Variants in MYO1F observed in about 807,000 individuals in gnomAD.
MYO1F encodes the protein unconventional myosin-If.
Under a neutral mutation model 146.6 loss-of-function variants are expected in MYO1F, and 60 were observed. The ratio of observed to expected loss-of-function variants is 0.41; its 90% CI spans 0.33 to 0.51. The LOEUF (loss-of-function observed/expected upper bound fraction) is 0.51, where lower values mean the gene tolerates loss of function less well. Among genes scored for constraint, MYO1F ranks in the 20% least tolerant of loss-of-function variants. The pLI is 0.25. For synonymous variants in MYO1F, 602 were observed against 602.1 expected (o/e 1.00, Z 0.00); for missense variants, 1,274 against 1,534.3 (o/e 0.83, Z 2.83).
At chr19:8,529,323 C>T (rs186578639) in intron 21 of MYO1F, among the ~76,000 whole-genome samples, 7 of 152,098 alleles carry the variant, frequency 4.6e-5, no homozygotes, top group Non-Finnish European at 8.8e-5. Context: ...CTGGCCCGCC[C>T]AGGTACAGGT....
At chr19:8,573,665 C>A (rs1320917418) in intron 1 of MYO1F, among the ~76,000 whole-genome samples, 1 of 152,132 alleles carries the variant, frequency 6.6e-6, no homozygotes, top group African/African-American at 2.4e-5. Context: ...GCCTGGCCAA[C>A]ATGGCGAAAC....
intron 15 of MYO1F, 197 bp downstream of exon 15, chr19:8,541,709 G>A (rs968614203): frequency 3.4e-5 from 21 of 623,036 alleles, no homozygotes; most frequent in Middle Eastern, 8.5e-4. Context: ...GATTACAGGC[G>A]TGAGCCACTG....
rs552336969 is a variant in MYO1F at position 8,522,657 on chromosome 19, G to A, written c.3027C>T (p.Asn1009=). 3.3e-5 allele frequency: 53 copies of A among 1,613,896 alleles called. No individual in the cohort carries two copies. The African/African-American group carries it at 3.5e-4, about 11-fold the overall frequency. ...PPSEHNTEFL[N]VPDQGMAGMQ... ...ACCCGGCCATGCCCTGGTCAGGCAC[G>A]TTGAGGAATTCTGTGTTGTGCTCTG... The change falls in exon 26 of 28, where the codon AAC becomes AAT. Residue 1009 remains asparagine, a synonymous_variant. Transcript: ENST00000644032.
At chr19:8,562,334 A>T (rs1333827960) in intron 1 of MYO1F, among the ~76,000 whole-genome samples, 1 of 151,692 alleles carries the variant, frequency 6.6e-6, no homozygotes, top group Non-Finnish European at 1.5e-5. Context: ...TTGAGACAAG[A>T]TCTCACTCTG....
chr19:8,549,920 C>T (rs1249682749), intron 10 of MYO1F: 8 of 592,018 alleles, frequency 1.4e-5, no homozygotes, highest in Non-Finnish European at 2.4e-5. Flanking sequence ...CCAACCTCAG[C>T]CCTCTGAGTA....
chr19:8,536,926 T>G, intron 17 of MYO1F, 23 bp downstream of exon 17: 1 of 1,306,494 alleles, frequency 7.7e-7, no homozygotes, highest in Non-Finnish European at 1.0e-6. Flanking sequence ...GGAATGAATC[T>G]TGGATTGGTT....
Position 8,524,582 on chromosome 19 carries a change from C to CA in MYO1F, c.2854+896dup, listed in dbSNP as rs35275313. 2.8e-3 allele frequency among the ~76,000 whole-genome samples: 366 copies of CA among 132,048 alleles called. 1 individual carries two copies. Among genetic ancestry groups the CA allele is most frequent in the African/African-American group, 8.7e-3 (309 of 35,606 alleles). 86.6% of individuals were successfully genotyped at this position (132,048 alleles called of 152,430 possible). The stretch of plus-strand genomic sequence containing the variant: ...CCTGGGTGACAGAGCGAGACTGTCT[C>CA]AAAAAAAAAAAAAAAAAGAAAGAAT... On this transcript the variant is annotated intron_variant, in intron 25 of 27. Transcript: ENST00000644032.
intron 19 of MYO1F, among the ~76,000 whole-genome samples, chr19:8,534,295 T>C (rs1972612620): frequency 2.0e-5 from 3 of 152,226 alleles, no homozygotes; most frequent in Admixed American, 1.3e-4. Flanking sequence ...AGTTAAACCG[T>C]TGGCTATTTT....
At chr19:8,562,857 C>T (rs2041930715) in intron 1 of MYO1F, among the ~76,000 whole-genome samples, 1 of 152,134 alleles carries the variant, frequency 6.6e-6, no homozygotes, top group Non-Finnish European at 1.5e-5. Flanking sequence ...TGGAAACTCA[C>T]TTCGTTGAAA....
intron 21 of MYO1F, among the ~76,000 whole-genome samples, chr19:8,528,529 A>G (rs777329862): frequency 6.6e-6 from 1 of 151,976 alleles, no homozygotes; most frequent in Non-Finnish European, 1.5e-5. Context: ...TTCTGACTCA[A>G]CACACACACA....
At chr19:8,536,913 G>A (rs1397357131) in intron 17 of MYO1F, 36 bp downstream of exon 17, 1 of 1,354,676 alleles carries the variant, frequency 7.4e-7, no homozygotes, top group South Asian at 1.1e-5. Flanking sequence ...GCAGGGCCTG[G>A]GGGGAATGAA....
At chr19:8,542,135 C>T in intron 14 of MYO1F, 144 bp from the exon 15 acceptor site, 1 of 670,682 alleles carries the variant, frequency 1.5e-6, no homozygotes, top group Non-Finnish European at 2.7e-6. Flanking sequence ...ACAGCGCTGG[C>T]TGGGGGGTAT....
At chr19:8,560,675 A>G (rs1030593473) in intron 1 of MYO1F, among the ~76,000 whole-genome samples, 5 of 150,652 alleles carry the variant, frequency 3.3e-5, no homozygotes, top group African/African-American at 7.3e-5. Context: ...CCTGGGCTCA[A>G]GTGATCCTCC....
At position 8,550,262 on chromosome 19, in the gene MYO1F, G is replaced by A; in HGVS notation, c.999C>T (p.Arg333=). 1 of 1,614,196 alleles carries A rather than the reference G, an allele frequency of 6.2e-7. No individual in the cohort carries two copies. Among genetic ancestry groups the A allele is most frequent in the African/African-American group, 1.3e-5 (1 of 75,074 alleles). The change falls in exon 10 of 28, where the codon CGC becomes CGT. Residue 333 remains arginine (R), a synonymous_variant. Coordinates refer to ENST00000644032, the MANE Select transcript of MYO1F (RefSeq NM_012335.4). ...SRKMDSRWGG[R]SESINVTLNV... Reference sequence around the variant, plus strand: ...TGAGGGTCACATTGATGGACTCGCTGCGCCCGCCCCAGCGGCTGTCCATCT... The same window carrying A: ...TGAGGGTCACATTGATGGACTCGCTACGCCCGCCCCAGCGGCTGTCCATCT...
At chr19:8,568,435 A>AAAACAAC (rs1308169373) in intron 1 of MYO1F, among the ~76,000 whole-genome samples, 12 of 151,216 alleles carry the variant, frequency 7.9e-5, no homozygotes, top group African/African-American at 2.7e-4. Context: ...AAAAAAAAAA[A>AAAACAAC]AAAAAAAAAA....
chr19:8,545,209 T>C (rs1194560007), intron 13 of MYO1F, among the ~76,000 whole-genome samples: 1 of 152,116 alleles, frequency 6.6e-6, no homozygotes, highest in Non-Finnish European at 1.5e-5. Context: ...CACCTCAGCC[T>C]TCCGGGTAGC....
At chr19:8,553,080 T>C in intron 6 of MYO1F, 59 bp downstream of exon 6, 1 of 1,467,330 alleles carries the variant, frequency 6.8e-7, no homozygotes, top group Non-Finnish European at 9.5e-7. Context: ...TGTGGGTGTG[T>C]GTGTAGAAAG....
chr19:8,550,812 C>T (rs898718235), intron 8 of MYO1F, 118 bp from the exon 9 acceptor site: 22 of 1,383,742 alleles, frequency 1.6e-5, no homozygotes, highest in Non-Finnish European at 2.1e-5. Flanking sequence ...GGGTCCCTGT[C>T]CTACCCCTTT....
At chr19:8,556,858 G>A (rs1220496525) in intron 1 of MYO1F, among the ~76,000 whole-genome samples, 2 of 135,466 alleles carry the variant, frequency 1.5e-5, no homozygotes, top group Admixed American at 8.5e-5. Context: ...TTGCACTCCA[G>A]CCTTGGCAAC....
Sources: gnomAD v4.1 joint callset for allele counts (sites outside exome capture counted in the v4.1 genomes callset) on GRCh38, gnomAD v4.1.1 for gene constraint, MANE v1.5 for transcripts, NCBI Gene and HGNC (gene_info 2026-07-23, HGNC 2026-07-21) for gene names.